ELMO1: variants seen among roughly 807,000 people sequenced by gnomAD.
The protein encoded by ELMO1 is engulfment and cell motility 1, also known as engulfment and cell motility protein 1.
Under a neutral mutation model 98.9 loss-of-function variants are expected in ELMO1, and 26 were observed. The ratio of observed to expected loss-of-function variants is 0.26; its 90% CI spans 0.19 to 0.36. The LOEUF (loss-of-function observed/expected upper bound fraction) is 0.36, where lower values mean the gene tolerates loss of function less well. Among genes scored for constraint, ELMO1 ranks in the 10% least tolerant of loss-of-function variants. The pLI is 1.00. For synonymous variants in ELMO1, 346 were observed against 346.0 expected, an observed-to-expected ratio of 1.00 and a Z score of 0.00; for missense variants, 627 against 935.2, an observed-to-expected ratio of 0.67 and a Z score of 4.30.
At chr7:36,961,406 T>C (rs971495116) in intron 16 of ELMO1, among the ~76,000 whole-genome samples, 2 of 152,152 alleles carry the variant, frequency 1.3e-5, no homozygotes, top group African/African-American at 4.8e-5. Flanking sequence ...AGCTAATCTC[T>C]CTATTTTTCA....
intron 15 of ELMO1, among the ~76,000 whole-genome samples, chr7:37,054,080 T>C (rs944780625): frequency 6.6e-5 from 10 of 152,220 alleles, no homozygotes; most frequent in African/African-American, 2.4e-4. Context: ...TCCAGGGAAA[T>C]GATTCTCAGA....
intron 17 of ELMO1, among the ~76,000 whole-genome samples, chr7:36,894,565 G>A (rs1420643771): frequency 6.6e-6 from 1 of 152,194 alleles, no homozygotes; most frequent in African/African-American, 2.4e-5. Flanking sequence ...TGTTCCAAGT[G>A]TTGGAAAAGG....
At chr7:37,319,278 G>A (rs754793287) in intron 2 of ELMO1, among the ~76,000 whole-genome samples, 2 of 152,056 alleles carry the variant, frequency 1.3e-5, no homozygotes, top group African/African-American at 4.8e-5. Context: ...ATTCTGCCAC[G>A]ACTTCTCTGC....
intron 1 of ELMO1, among the ~76,000 whole-genome samples, chr7:37,386,250 G>C (rs1250517702): frequency 6.6e-6 from 1 of 152,152 alleles, no homozygotes; most frequent in Non-Finnish European, 1.5e-5. Flanking sequence ...CAATTGTTTT[G>C]AGCAGGTAGC....
At chr7:36,952,169 C>G (rs573233740) in intron 16 of ELMO1, among the ~76,000 whole-genome samples, 1 of 152,358 alleles carries the variant, frequency 6.6e-6, no homozygotes, top group South Asian at 2.1e-4. Flanking sequence ...CTCCTGAGGG[C>G]AGCCACTGGG....
At chr7:36,943,925 T>A (rs1354754157) in intron 16 of ELMO1, among the ~76,000 whole-genome samples, 2 of 152,000 alleles carry the variant, frequency 1.3e-5, no homozygotes, top group Non-Finnish European at 2.9e-5. Context: ...TTTAGGAAAA[T>A]CACAACAATA....
chr7:37,179,765 T>C (rs1414273205), intron 13 of ELMO1, among the ~76,000 whole-genome samples: 1 of 152,164 alleles, frequency 6.6e-6, no homozygotes, highest in Non-Finnish European at 1.5e-5. Context: ...AATAATCATG[T>C]ACACAAAAGA....
intron 4 of ELMO1, among the ~76,000 whole-genome samples, chr7:37,292,897 G>A (rs370278162): frequency 4.5e-5 from 3 of 66,308 alleles, no homozygotes; most frequent in East Asian, 5.6e-4. Context: ...CCGGCCAGCC[G>A]CCCCGTCCGG....
intron 16 of ELMO1, among the ~76,000 whole-genome samples, chr7:36,913,895 A>G (rs1784507319): frequency 6.6e-6 from 1 of 152,224 alleles, no homozygotes; most frequent in Non-Finnish European, 1.5e-5. Flanking sequence ...TTGGTAGTTC[A>G]GAGATTTGTT....
intron 14 of ELMO1, among the ~76,000 whole-genome samples, chr7:37,130,916 T>C (rs1417729107): frequency 6.6e-6 from 1 of 152,108 alleles, no homozygotes; most frequent in Non-Finnish European, 1.5e-5. Context: ...AGAGAAGATA[T>C]ACATCCTCAA....
intron 5 of ELMO1, among the ~76,000 whole-genome samples, chr7:37,261,863 A>G (rs982249951): frequency 6.6e-6 from 1 of 152,128 alleles, no homozygotes; most frequent in African/African-American, 2.4e-5. Flanking sequence ...CGGCCTCCCA[A>G]AGTGCTGGGA....
intron 1 of ELMO1, among the ~76,000 whole-genome samples, chr7:37,419,320 TAGG>T (rs1804369767): frequency 6.6e-6 from 1 of 152,326 alleles, no homozygotes; most frequent in South Asian, 2.1e-4. Flanking sequence ...CAGAATTAAT[TAGG>T]AGAACAGGAG....
chr7:37,215,524 T>G (rs759811319), intron 11 of ELMO1, among the ~76,000 whole-genome samples: 3 of 152,200 alleles, frequency 2.0e-5, no homozygotes, highest in African/African-American at 4.8e-5. Flanking sequence ...CCCACTCCTC[T>G]ACAAGCTCTG....
At chr7:37,313,815 C>A (rs1274497900) in intron 4 of ELMO1, among the ~76,000 whole-genome samples, 1 of 152,136 alleles carries the variant, frequency 6.6e-6, no homozygotes, top group East Asian at 1.9e-4. Context: ...CTGACTGGGA[C>A]AAAGCCTGCA....
chr7:37,182,967 CTCT>C (rs1790976414), intron 13 of ELMO1, among the ~76,000 whole-genome samples: 3 of 152,166 alleles, frequency 2.0e-5, no homozygotes, highest in African/African-American at 7.2e-5. Context: ...CTTTGCTATG[CTCT>C]TCTTTTTTTT....
chr7:36,961,432 A>G (rs1220105954), intron 16 of ELMO1, among the ~76,000 whole-genome samples: 3 of 152,012 alleles, frequency 2.0e-5, no homozygotes, highest in Non-Finnish European at 4.4e-5. Flanking sequence ...GATATTAACA[A>G]TATTAGTAGC....
chr7:37,297,745 A>T (rs1169850790), intron 4 of ELMO1, among the ~76,000 whole-genome samples: 1 of 152,218 alleles, frequency 6.6e-6, no homozygotes, highest in Non-Finnish European at 1.5e-5. Flanking sequence ...TGACTCACTG[A>T]GGAATGACTA....
chr7:37,282,918 C>G (rs1166880564), intron 4 of ELMO1, among the ~76,000 whole-genome samples: 1 of 152,128 alleles, frequency 6.6e-6, no homozygotes, highest in Admixed American at 6.6e-5. Flanking sequence ...TCCACAGGAC[C>G]CAGATATCCT....
chr7:37,395,251 C>T (rs528803660), intron 1 of ELMO1, among the ~76,000 whole-genome samples: 3 of 151,250 alleles, frequency 2.0e-5, no homozygotes, highest in South Asian at 2.1e-4. Flanking sequence ...CCTGTAATCC[C>T]GGCTACTCAG....
Sources: allele counts gnomAD v4.1 joint callset (sites outside exome capture counted in the v4.1 genomes callset), GRCh38; gene constraint gnomAD v4.1.1; transcripts MANE v1.5; gene names NCBI Gene and HGNC (gene_info 2026-07-23, HGNC 2026-07-21).